CNOT4: variants seen among roughly 807,000 people sequenced by gnomAD.
CNOT4 encodes CCR4-NOT transcription complex subunit 4.
In CNOT4, 8 loss-of-function variants were observed where a neutral mutation model predicts 73.8. The ratio of observed to expected loss-of-function variants is 0.11; its 90% confidence interval spans 0.06 to 0.20. The LOEUF is 0.20. Ranked by LOEUF, CNOT4 falls within the 10% of genes least tolerant of loss-of-function variation. The probability of loss-of-function intolerance (pLI) is 1.00; values close to 1 mark genes in which losing one functional copy is unlikely to be tolerated. For missense variants in CNOT4, 564 were observed against 883.4 expected, an observed-to-expected ratio of 0.64 and a Z score of 4.58; for synonymous variants, 293 against 321.1, an observed-to-expected ratio of 0.91 and a Z score of 0.94.
chr7:135,425,974 T>C (rs1208817114), intron 2 of CNOT4, among the ~76,000 whole-genome samples: 1 of 152,008 alleles, frequency 6.6e-6, no homozygotes, highest in Non-Finnish European at 1.5e-5. Flanking sequence ...ACACCTGTAA[T>C]TCCAGCACTT....
intron 7 of CNOT4, among the ~76,000 whole-genome samples, chr7:135,403,298 T>C (rs192691210): frequency 1.4e-4 from 21 of 152,358 alleles, no homozygotes; most frequent in African/African-American, 4.8e-4. Context: ...TTCTGAGATA[T>C]TTTTAAACAC....
chr7:135,444,720 G>C, intron 1 of CNOT4: 1 of 1,312,308 alleles, frequency 7.6e-7, no homozygotes, highest in Admixed American at 1.7e-5. Flanking sequence ...TCCTTGCTCT[G>C]CGATGGGCTA....
intron 1 of CNOT4, among the ~76,000 whole-genome samples, chr7:135,488,017 C>T (rs562880287): frequency 4.1e-4 from 62 of 151,924 alleles, no homozygotes; most frequent in East Asian, 4.1e-3. Context: ...GCTGAGATAG[C>T]GCCACTGCAC....
chr7:135,410,677 T>G, intron 6 of CNOT4, 29 bp from the exon 7 acceptor site: 2 of 1,550,992 alleles, frequency 1.3e-6, no homozygotes, highest in Non-Finnish European at 1.7e-6. Context: ...AAAACTGCAG[T>G]GGGATTCACA....
chr7:135,378,194 G>C (rs1046374494), intron 10 of CNOT4, among the ~76,000 whole-genome samples: 30 of 152,292 alleles, frequency 2.0e-4, no homozygotes, highest in African/African-American at 7.0e-4. Flanking sequence ...CTGTTTAAAT[G>C]TGTTGTTTTG....
chr7:135,420,271 T>C (rs1585616411), intron 3 of CNOT4, among the ~76,000 whole-genome samples: 1 of 151,788 alleles, frequency 6.6e-6, no homozygotes, highest in Non-Finnish European at 1.5e-5. Context: ...GAACTGCACG[T>C]CAGAAACGTG....
chr7:135,489,484 T>G (rs1802964365), intron 1 of CNOT4, among the ~76,000 whole-genome samples: 1 of 149,222 alleles, frequency 6.7e-6, no homozygotes, highest in African/African-American at 2.5e-5. Context: ...CAACCTCCGC[T>G]TCCCCAGCTC....
At chr7:135,450,495 A>T (rs755645990) in intron 1 of CNOT4, among the ~76,000 whole-genome samples, 1 of 152,140 alleles carries the variant, frequency 6.6e-6, no homozygotes, top group Non-Finnish European at 1.5e-5. Context: ...ATTACCAGGC[A>T]GGTGCACACC....
intron 2 of CNOT4, among the ~76,000 whole-genome samples, chr7:135,424,903 C>T (rs1798407564): frequency 6.6e-6 from 1 of 152,192 alleles, no homozygotes; most frequent in African/African-American, 2.4e-5. Context: ...GGATCAAACA[C>T]ATGGATTGCT....
intron 1 of CNOT4, among the ~76,000 whole-genome samples, chr7:135,496,539 G>C (rs747239101): frequency 6.6e-6 from 1 of 151,670 alleles, no homozygotes; most frequent in African/African-American, 2.4e-5. Flanking sequence ...CATTCTCCTC[G>C]AACTTCGTAT....
At chr7:135,426,709 G>C (rs1343206591) in intron 2 of CNOT4, among the ~76,000 whole-genome samples, 1 of 151,990 alleles carries the variant, frequency 6.6e-6, no homozygotes, top group African/African-American at 2.4e-5. Flanking sequence ...GATCACCTGA[G>C]GTCAGGAGTT....
At position 135,408,887 on chromosome 7, in the gene CNOT4, C is replaced by T. The variant is rs1797447505; in HGVS notation, c.821+1628G>A. Among the ~76,000 whole-genome samples, 4 of 152,136 alleles carry T rather than the reference C, an allele frequency of 2.6e-5. No homozygotes were observed. In the South Asian group the frequency reaches 8.3e-4, roughly 31 times the overall value. ...GGGCATGCTGTACACAAATCACTTT[C>T]AATGAAAAGCTCTGGGTATTAAGAT... On this transcript the variant is annotated intron_variant, in intron 7 of 11. Transcript: ENST00000541284.
chr7:135,454,320 A>G (rs1800386906), intron 1 of CNOT4, among the ~76,000 whole-genome samples: 1 of 152,018 alleles, frequency 6.6e-6, no homozygotes, highest in Non-Finnish European at 1.5e-5. Flanking sequence ...GTATTACTAC[A>G]GAAAGTCTCA....
intron 10 of CNOT4, among the ~76,000 whole-genome samples, chr7:135,375,405 A>G (rs1358111256): frequency 6.6e-6 from 1 of 152,190 alleles, no homozygotes; most frequent in Non-Finnish European, 1.5e-5. Flanking sequence ...CAAGATAAAA[A>G]ATTTCTAACA....
At chr7:135,365,589 C>T (rs1794871595) in intron 10 of CNOT4, among the ~76,000 whole-genome samples, 1 of 151,976 alleles carries the variant, frequency 6.6e-6, no homozygotes, top group South Asian at 2.1e-4. Context: ...AGAACTTGAA[C>T]CTGAACCCTG....
At position 135,403,007 on chromosome 7, in the gene CNOT4, A is replaced by G. The variant is rs928929377; in HGVS notation, c.822-4781T>C. Among the ~76,000 whole-genome samples, 5 of 152,214 alleles carry G rather than the reference A, an allele frequency of 3.3e-5. 1 individual carries two copies. Among genetic ancestry groups the G allele is most frequent in the Admixed American group, 2.6e-4 (4 of 15,280 alleles). On this transcript the variant is annotated intron_variant, in intron 7 of 11. Transcript: ENST00000541284. ...GATGGGGGTGGACTAAAAAAAAGTTAGAAGGTTTAGTTTTTCTGCTTACCA... is the reference window on the plus strand; with the variant it reads ...GATGGGGGTGGACTAAAAAAAAGTTGGAAGGTTTAGTTTTTCTGCTTACCA...
rs990751629 is a variant in CNOT4 at position 135,390,447 on chromosome 7, T to TA, written c.1627+3470dup. 1.9e-3 allele frequency among the ~76,000 whole-genome samples: 284 copies of TA among 150,606 alleles called. 3 individuals are homozygous for TA. The highest frequency in any genetic ancestry group is 3.4e-3 in the Middle Eastern group (1 of 292). ...AGAAGGCATATGGTTCCAATAATAA[T>TA]AAAAAAAAAGATCTGAATGAATTTA... On this transcript the variant is annotated intron_variant, in intron 10 of 11. Transcript: ENST00000541284.
intron 1 of CNOT4, among the ~76,000 whole-genome samples, chr7:135,453,826 T>TTATATATATATATTATA (rs1800338373): frequency 2.2e-5 from 2 of 89,902 alleles, no homozygotes; most frequent in Non-Finnish European, 4.6e-5. Context: ...TATATATATT[T>TTATATATATATATTATA]TATATATATA....
chr7:135,466,960 C>T (rs1801261551), intron 1 of CNOT4, among the ~76,000 whole-genome samples: 2 of 152,254 alleles, frequency 1.3e-5, no homozygotes, highest in Admixed American at 6.5e-5. Flanking sequence ...TCTAATGATG[C>T]ATTTTTCAAA....
Sources: allele counts gnomAD v4.1 joint callset (sites outside exome capture counted in the v4.1 genomes callset), GRCh38; gene constraint gnomAD v4.1.1; transcripts MANE v1.5; gene names NCBI Gene and HGNC (gene_info 2026-07-23, HGNC 2026-07-21).